SLC7A11: variants seen among roughly 807,000 people sequenced by gnomAD.
SLC7A11 encodes cystine/glutamate transporter.
SLC7A11 carries 35 observed loss-of-function variants against 54.5 expected under a neutral mutation model. The ratio of observed to expected loss-of-function variants is 0.64; its 90% CI spans 0.49 to 0.85. The LOEUF (loss-of-function observed/expected upper bound fraction) is 0.85. Among genes scored for constraint, SLC7A11 ranks in the 40% least tolerant of loss-of-function variants. The pLI, the probability that SLC7A11 is intolerant of heterozygous loss-of-function variation, is 0.00. For synonymous variants in SLC7A11, 230 were observed against 225.2 expected, an observed-to-expected ratio of 1.02 and a Z score of -0.19; for missense variants, 583 against 618.1, an observed-to-expected ratio of 0.94 and a Z score of 0.60.
chr4:138,195,225 C>T lies in SLC7A11; in HGVS notation c.792-9981G>A, dbSNP rs977972205. On this transcript the variant is annotated intron_variant, in intron 6 of 11. Coordinates refer to ENST00000280612, the MANE Select transcript of SLC7A11 (RefSeq NM_014331.4). ...TGTGGGATCAGGTCAGACCTCTGGA[C>T]GGTCACATACATTGACTGTATTATT... Among the ~76,000 whole-genome samples the T allele has an allele frequency of 5.9e-5, 9 of 152,156 alleles. 1 individual carries two copies.
intron 7 of SLC7A11, 151 bp from the exon 8 acceptor site, chr4:138,183,456 C>A (rs553335090): frequency 3.2e-6 from 2 of 619,982 alleles, no homozygotes; most frequent in East Asian, 5.6e-5. Flanking sequence ...GTCAGACTAA[C>A]TCCGTAGACA....
rs1469511422 is a variant in SLC7A11, at chr4:138,185,184, T to G, written c.852A>C (p.Thr284=). 2 of 1,612,882 alleles carry G rather than the reference T, an allele frequency of 1.2e-6. No homozygotes were observed. The highest frequency in any genetic ancestry group is 3.3e-5 in the Admixed American group (2 of 59,910). ...TAATGGTCGTAAAGTAGGCCACATTTGTCAGCACATAGCCAATGGTGACAA... is the reference window on the plus strand; with the variant it reads ...TAATGGTCGTAAAGTAGGCCACATTGGTCAGCACATAGCCAATGGTGACAA... ...MAIVTIGYVL[T]NVAYFTTINA... is the part of the protein sequence containing the mutation. The change falls in exon 7 of 12, where the codon ACA becomes ACC. Residue 284 remains threonine (T), a synonymous_variant. Transcript: ENST00000280612.
At chr4:138,234,033 GT>G (rs1738146628) in intron 2 of SLC7A11, among the ~76,000 whole-genome samples, 1 of 152,118 alleles carries the variant, frequency 6.6e-6, no homozygotes, top group Non-Finnish European at 1.5e-5. Context: ...GTCTTCCACA[GT>G]GCTTATCACA....
In SLC7A11 at chr4:138,180,787, G is replaced by T. The variant is rs1489846273; in HGVS notation, c.1120C>A (p.Pro374Thr). ...GAGAAGAGCATTATCATTGTCAAAGGGTGCTGAGGGGGGAAAGGGAAGCAA... is the reference window on the plus strand; with the variant it reads ...GAGAAGAGCATTATCATTGTCAAAGTGTGCTGAGGGGGGAAAGGGAAGCAA... Reference protein sequence around the residue: ...TPLPAVIVLHPLTMIMLFSGD... With the variant: ...TPLPAVIVLHTLTMIMLFSGD... The change falls in exon 10 of 12, where the codon CCT (proline) becomes ACT (threonine). Residue 374 changes from proline to threonine, a missense_variant. Physicochemically the swap from Pro to Thr is conservative, Grantham distance 38 (BLOSUM62 -1). Coordinates refer to ENST00000280612, the MANE Select transcript of SLC7A11 (RefSeq NM_014331.4). The T allele has an allele frequency of 6.2e-7, 1 of 1,610,158 alleles. No individual in the cohort carries two copies. The highest frequency in any genetic ancestry group is 2.2e-5 in the East Asian group (1 of 44,670).
rs1178801733 is a variant in SLC7A11 at position 138,171,741 on chromosome 4, T to C, written c.*215A>G. 3.8e-6 allele frequency: 2 copies of C among 523,380 alleles called. No homozygotes were observed. Among genetic ancestry groups the C allele is most frequent in the Non-Finnish European group, 6.3e-6 (2 of 317,368 alleles). The allele number at this position is 523,380 out of a possible 1,614,324, so 32.4% of individuals were successfully genotyped here. ...AGAGACTCAAGAATTGTGCGACTCA[T>C]AGAATAACTGCATATTCACTTTCTA... On this transcript the variant is annotated 3_prime_UTR_variant, in exon 12 of 12. Coordinates refer to ENST00000280612, the MANE Select transcript of SLC7A11 (RefSeq NM_014331.4).
At position 138,165,018 on chromosome 4, in the gene SLC7A11, C is replaced by G. The variant is rs928036338; in HGVS notation, c.*6938G>C. The G allele has an allele frequency of 6.6e-6, 1 of 152,202 alleles. No individual in the cohort carries two copies. Among genetic ancestry groups the G allele is most frequent in the Admixed American group, 6.6e-5 (1 of 15,256 alleles). The allele number at this position is 152,202 out of a possible 1,614,324, so 9.4% of individuals were successfully genotyped here. On this transcript the variant is annotated 3_prime_UTR_variant, in exon 12 of 12. Coordinates refer to ENST00000280612, the MANE Select transcript of SLC7A11 (RefSeq NM_014331.4). ...CTCCACTTGTTGCAAATTATAAATGCTTGTCACAGAATATGAAAAATATTT... is the reference window on the plus strand; with the variant it reads ...CTCCACTTGTTGCAAATTATAAATGGTTGTCACAGAATATGAAAAATATTT...
intron 5 of SLC7A11, among the ~76,000 whole-genome samples, chr4:138,218,318 G>A (rs1737726795): frequency 1.3e-5 from 2 of 152,272 alleles, no homozygotes; most frequent in South Asian, 4.1e-4. Flanking sequence ...CATTCTCACA[G>A]CTAAAGCTGT....
chr4:138,207,796 C>T (rs1737443505), intron 6 of SLC7A11, among the ~76,000 whole-genome samples: 1 of 152,108 alleles, frequency 6.6e-6, no homozygotes, highest in African/African-American at 2.4e-5. Flanking sequence ...ATTCTTTAGT[C>T]ATGTAACTTT....
rs1400584009 is a variant in SLC7A11 at position 138,180,651 on chromosome 4, C to G, written c.1256G>C (p.Arg419Pro). 3.1e-6 allele frequency: 5 copies of G among 1,612,686 alleles called. No individual in the cohort carries two copies. The highest frequency in any genetic ancestry group is 1.7e-5 in the Admixed American group (1 of 59,856). ...GATTGCTGAGGTTACCTTGAAAGGA[C>G]GATGCATATCTGGGCATTTGTATCG... ...YLRYKCPDMH[R>P]PFKVPLFIPA... The change falls in exon 10 of 12, where the codon CGT becomes CCT. Residue 419 changes from arginine (R) to proline (P), a missense_variant. Transcript: ENST00000280612.
In SLC7A11 at chr4:138,242,087, GA is replaced by G; in HGVS notation, c.-19del. On this transcript the variant is annotated 5_prime_UTR_variant, in exon 1 of 12. Coordinates refer to ENST00000280612, the MANE Select transcript of SLC7A11 (RefSeq NM_014331.4). Reference sequence around the variant, plus strand: ...CTGACCATAGTAGGGACACACGGGGGAAAAATAAAACAGAGGGAAAGAAAAC... The same window carrying G: ...CTGACCATAGTAGGGACACACGGGGGAAAATAAAACAGAGGGAAAGAAAAC... 6.2e-7 allele frequency: 1 copy of G among 1,611,188 alleles called. No individual in the cohort carries two copies. The highest frequency in any genetic ancestry group is 8.5e-7 in the Non-Finnish European group (1 of 1,178,392).
chr4:138,197,130 T>C (rs1326235085), intron 6 of SLC7A11, among the ~76,000 whole-genome samples: 1 of 152,212 alleles, frequency 6.6e-6, no homozygotes, highest in African/African-American at 2.4e-5. Flanking sequence ...TCATTACCAT[T>C]TTTATAACAT....
intron 3 of SLC7A11, among the ~76,000 whole-genome samples, chr4:138,225,734 CAT>C (rs1185358649): frequency 6.6e-6 from 1 of 152,138 alleles, no homozygotes; most frequent in African/African-American, 2.4e-5. Context: ...AAAATTGTCT[CAT>C]GTGGCCACCA....
chr4:138,228,430 C>A (rs191278329), intron 3 of SLC7A11, among the ~76,000 whole-genome samples: 282 of 151,992 alleles, frequency 1.9e-3, no homozygotes, highest in African/African-American at 6.3e-3. Flanking sequence ...TCTATAAAAG[C>A]AGTGAAAATT....
chr4:138,209,834 G>T (rs1367104991), intron 6 of SLC7A11, among the ~76,000 whole-genome samples: 1 of 151,758 alleles, frequency 6.6e-6, no homozygotes, highest in Non-Finnish European at 1.5e-5. Flanking sequence ...CAATATACAG[G>T]TTCAATGCTA....
chr4:138,224,828 AAGG>A (rs1737901770), intron 3 of SLC7A11, among the ~76,000 whole-genome samples: 1 of 143,018 alleles, frequency 7.0e-6, no homozygotes, highest in African/African-American at 2.9e-5. Flanking sequence ...GGAAGGAAGG[AAGG>A]AAGGAAGGAA....
rs1560711673 is a variant in SLC7A11 at position 138,167,139 on chromosome 4, A to ATTTTTTTTTTTTTTTTTTTTTT, written c.*4816_*4817insAAAAAAAAAAAAAAAAAAAAAA. 7.0e-6 allele frequency: 1 copy of ATTTTTTTTTTTTTTTTTTTTTT among 142,236 alleles called. No individual in the cohort carries two copies. Among genetic ancestry groups the ATTTTTTTTTTTTTTTTTTTTTT allele is most frequent in the Non-Finnish European group, 1.5e-5 (1 of 65,484 alleles). 8.8% of individuals were successfully genotyped at this position (142,236 alleles called of 1,614,324 possible). A position where few individuals can be genotyped will look rare whatever the true frequency, so the allele number is the denominator to read the frequency against. On this transcript the variant is annotated 3_prime_UTR_variant, in exon 12 of 12. Coordinates refer to ENST00000280612, the MANE Select transcript of SLC7A11 (RefSeq NM_014331.4). The stretch of plus-strand genomic sequence containing the variant: ...GCATACCTTTAGCTATTATTTAAAA[A>ATTTTTTTTTTTTTTTTTTTTTT]TCTTTTTTTTTTTTTTTTTTTTTTT...
Position 138,179,178 on chromosome 4 carries a change from G to A in SLC7A11, c.1444+39C>T, listed in dbSNP as rs1736655350. On this transcript the variant is annotated intron_variant, in intron 11 of 11. Transcript: ENST00000280612. ...GCACACCTTTATGGGTTTTCTACAT[G>A]GTGTTGCACAATGTCCTGAAAGTAT... 2.2e-6 allele frequency: 3 copies of A among 1,363,936 alleles called. No individual in the cohort carries two copies. In the African/African-American group the frequency reaches 4.3e-5, roughly 20 times the overall value. The allele number at this position is 1,363,936 out of a possible 1,614,324, so 84.5% of individuals were successfully genotyped here. A position where few individuals can be genotyped will look rare whatever the true frequency, so the allele number is the denominator to read the frequency against.
At chr4:138,179,861 T>C (rs1236449693) in intron 10 of SLC7A11, among the ~76,000 whole-genome samples, 1 of 152,128 alleles carries the variant, frequency 6.6e-6, no homozygotes, top group African/African-American at 2.4e-5. Flanking sequence ...CAATAATAAC[T>C]GACAGGAATA....
chr4:138,177,060 A>G (rs1736588462), intron 11 of SLC7A11: 1 of 152,164 alleles, frequency 6.6e-6, no homozygotes, highest in East Asian at 1.9e-4. Context: ...AAATCCAGAT[A>G]TAAATATTAG....
Sources: gnomAD v4.1 joint callset for allele counts (sites outside exome capture counted in the v4.1 genomes callset) on GRCh38, gnomAD v4.1.1 for gene constraint, MANE v1.5 for transcripts, NCBI Gene and HGNC (gene_info 2026-07-23, HGNC 2026-07-21) for gene names.